Variants in DGKH observed in about 807,000 individuals in gnomAD.
DGKH encodes the protein diacylglycerol kinase eta, also known as DAG kinase eta.
DGKH carries 90 observed loss-of-function variants against 159.3 expected under a neutral mutation model. The ratio of observed to expected loss-of-function variants is 0.57; its 90% CI spans 0.48 to 0.67. DGKH has a LOEUF of 0.67. Ranked by LOEUF, DGKH falls within the 30% of genes least tolerant of loss-of-function variation. DGKH has a pLI of 0.00. For missense variants in DGKH, 1,181 were observed against 1,506.1 expected (o/e 0.78, Z 3.57); for synonymous variants, 536 against 553.8 (o/e 0.97, Z 0.45).
intron 21 of DGKH, among the ~76,000 whole-genome samples, chr13:42,208,751 C>T (rs9566939): frequency 1.1e-4 from 16 of 150,844 alleles, no homozygotes; most frequent in African/African-American, 3.9e-4. Context: ...GTAGTATATC[C>T]GTGTATATTT....
intron 29 of DGKH, among the ~76,000 whole-genome samples, chr13:42,225,803 A>C (rs1159400649): frequency 2.6e-5 from 4 of 151,492 alleles, no homozygotes; most frequent in African/African-American, 9.7e-5. Context: ...GATAAAAATT[A>C]ATATATAATG....
intron 1 of DGKH, among the ~76,000 whole-genome samples, chr13:42,122,513 A>G (rs1378493958): frequency 6.6e-6 from 1 of 152,130 alleles, no homozygotes; most frequent in African/African-American, 2.4e-5. Context: ...TTCCACTCTC[A>G]TGTTAGCCCA....
At chr13:42,214,314 A>G (rs559107118) in intron 24 of DGKH, among the ~76,000 whole-genome samples, 193 bp from the exon 25 acceptor site, 18 of 152,134 alleles carry the variant, frequency 1.2e-4, no homozygotes, top group African/African-American at 4.3e-4. Context: ...TTTATTTCAT[A>G]TTTTTTGTTG....
intron 14 of DGKH, 134 bp downstream of exon 14, chr13:42,187,282 A>C: frequency 1.4e-6 from 1 of 706,560 alleles, no homozygotes; most frequent in Non-Finnish European, 2.4e-6. Flanking sequence ...ACTTTGGATC[A>C]GATCTGAGAA....
At chr13:42,213,146 G>A (rs1343373997) in intron 24 of DGKH, among the ~76,000 whole-genome samples, 2 of 152,088 alleles carry the variant, frequency 1.3e-5, no homozygotes, top group Non-Finnish European at 2.9e-5. Flanking sequence ...GCTGGGGCAA[G>A]GTGAACACTG....
Position 42,214,507 on chromosome 13 carries a change from G to A in DGKH, c.3015G>A (p.Arg1005=). ...TCATTTGTTTCATTTTTGCTTTTAGGATATGTGACGCAGCCACAATTCACT... is the reference window on the plus strand; with the variant it reads ...TCATTTGTTTCATTTTTGCTTTTAGAATATGTGACGCAGCCACAATTCACT... ...CSQAAEELIT[R]ICDAATIHCL... The change falls in exon 25 of 30, where the codon AGG becomes AGA. Residue 1005 remains arginine, a splice_region_variant and synonymous_variant. Coordinates refer to ENST00000337343, the MANE Select transcript of DGKH (RefSeq NM_178009.5). The A allele has an allele frequency of 6.2e-7, 1 of 1,604,874 alleles. No individual in the cohort carries two copies.
intron 14 of DGKH, among the ~76,000 whole-genome samples, chr13:42,188,532 C>T (rs771210979): frequency 2.6e-5 from 4 of 152,136 alleles, no homozygotes; most frequent in Non-Finnish European, 5.9e-5. Context: ...TTATGACGCT[C>T]AAAATGGTGC....
rs1183177063 is a variant in DGKH, at chr13:42,221,409, C to G, written c.3573+15C>G. 1 of 1,609,622 alleles carries G rather than the reference C, an allele frequency of 6.2e-7. No individual in the cohort carries two copies. Among genetic ancestry groups the G allele is most frequent in the East Asian group, 2.2e-5 (1 of 44,842 alleles). On this transcript the variant is annotated intron_variant, in intron 29 of 29. Transcript: ENST00000337343. Reference sequence around the variant, plus strand: ...GAGATCTTAAGGTATTTCCTTTGTGCTCTTCTGTTCTTGAAAATTTTATTG... The same window carrying G: ...GAGATCTTAAGGTATTTCCTTTGTGGTCTTCTGTTCTTGAAAATTTTATTG...
intron 30 of DGKH, chr13:42,256,139 A>G (rs985559104): frequency 5.1e-6 from 6 of 1,178,934 alleles, no homozygotes; most frequent in African/African-American, 4.5e-5. Flanking sequence ...GTGTGAAGCA[A>G]TGACCATGGT....
chr13:42,060,774 C>A (rs1184965217), intron 1 of DGKH, among the ~76,000 whole-genome samples: 1 of 152,120 alleles, frequency 6.6e-6, no homozygotes, highest in Non-Finnish European at 1.5e-5. Context: ...CTTATTTAAT[C>A]CTCATAGTAA....
At chr13:42,254,343 T>A (rs564291898) in intron 30 of DGKH, among the ~76,000 whole-genome samples, 16 of 152,216 alleles carry the variant, frequency 1.1e-4, no homozygotes, top group Non-Finnish European at 1.0e-4. Flanking sequence ...ACAATGGATA[T>A]ATGGCCAGGT....
intron 3 of DGKH, among the ~76,000 whole-genome samples, chr13:42,145,189 T>G (rs1320852266): frequency 6.6e-6 from 1 of 152,204 alleles, no homozygotes; most frequent in Non-Finnish European, 1.5e-5. Context: ...TGGATCCAGT[T>G]TAAGCTTCGC....
chr13:42,210,643 G>T lies in DGKH; in HGVS notation c.2892G>T (p.Lys964Asn). ...TGAAATCTTGGGAAGATAAGCAGAA[G>T]TGTGATTCTGGTAAACCAGTTCTCC... ...STLKSWEDKQ[K>N]CDSGKPVLRT... Residue 964 changes from lysine to asparagine, a missense_variant, in exon 24 of 30, where the codon AAG becomes AAT. Around this residue, in one of 5 missense-constraint regions of DGKH, gnomAD observed 335 missense variants for 495.2 expected, o/e 0.68. Transcript: ENST00000337343. 1 of 1,612,028 alleles carries T rather than the reference G, an allele frequency of 6.2e-7. No homozygotes were observed. The highest frequency in any genetic ancestry group is 8.5e-7 in the Non-Finnish European group (1 of 1,179,942).
rs916798465 is a variant in DGKH at position 42,104,198 on chromosome 13, C to T, written c.193-23265C>T. On this transcript the variant is annotated intron_variant, in intron 1 of 29. Transcript: ENST00000337343. ...TTATATCCCAGTCCAAGGAAAGCTG[C>T]TGAAGTGAGTATCTCTGTTGCACGG... Among the ~76,000 whole-genome samples the T allele has an allele frequency of 6.6e-5, 10 of 152,318 alleles. 1 individual carries two copies. Among genetic ancestry groups the T allele is most frequent in the Middle Eastern group, 6.8e-3 (2 of 294 alleles).
At chr13:42,071,007 T>A (rs1882928955) in intron 1 of DGKH, 1 of 1,299,290 alleles carries the variant, frequency 7.7e-7, no homozygotes, top group Non-Finnish European at 1.1e-6. Flanking sequence ...AGTAATTGCC[T>A]CCACAACCCA....
chr13:42,197,078 C>T (rs1298005862), intron 17 of DGKH, among the ~76,000 whole-genome samples: 6 of 151,902 alleles, frequency 3.9e-5, no homozygotes, highest in East Asian at 1.9e-4. Flanking sequence ...GGTGAAACCC[C>T]GTCTCTACTA....
intron 11 of DGKH, among the ~76,000 whole-genome samples, chr13:42,169,468 A>G (rs181123412): frequency 6.6e-5 from 10 of 152,280 alleles, no homozygotes; most frequent in Non-Finnish European, 1.0e-4. Context: ...CCTGCGTGTT[A>G]TGGAGGAAGT....
intron 3 of DGKH, among the ~76,000 whole-genome samples, chr13:42,137,117 C>T (rs1424945067): frequency 6.6e-6 from 1 of 152,102 alleles, no homozygotes; most frequent in Non-Finnish European, 1.5e-5. Context: ...ATACAGTTTA[C>T]TTCATCTCTC....
chr13:42,144,002 A>T (rs150202879), intron 3 of DGKH, among the ~76,000 whole-genome samples: 3 of 151,322 alleles, frequency 2.0e-5, no homozygotes, highest in Non-Finnish European at 2.9e-5. Flanking sequence ...AGAAATAACT[A>T]AAAAAAATTA....
Sources: allele counts gnomAD v4.1 joint callset (sites outside exome capture counted in the v4.1 genomes callset), GRCh38; gene constraint gnomAD v4.1.1; regional missense constraint gnomAD v4.1.1; transcripts MANE v1.5; gene names NCBI Gene and HGNC (gene_info 2026-07-23, HGNC 2026-07-21).